Variants in RNLS observed in about 807,000 individuals in gnomAD.
RNLS encodes renalase.
Under a neutral mutation model 39.8 loss-of-function variants are expected in RNLS, and 39 were observed. The observed-to-expected ratio is 0.98, with a 90% CI of 0.76 to 1.28. The LOEUF (loss-of-function observed/expected upper bound fraction) is 1.28. RNLS is among the 50% of genes most tolerant of loss of function. The pLI is 0.00. For missense variants in RNLS, 410 were observed against 413.3 expected (o/e 0.99, Z 0.07); for synonymous variants, 147 against 150.7 (o/e 0.98, Z 0.18).
downstream of RNLS, among the ~76,000 whole-genome samples, chr10:88,269,703 T>G (rs1426401299): frequency 6.6e-6 from 1 of 152,236 alleles, no homozygotes; most frequent in Non-Finnish European, 1.5e-5. Flanking sequence ...TACACTGCTT[T>G]GAGGGGGCCT....
chr10:88,556,012 G>A (rs1328233638), intron 4 of RNLS, among the ~76,000 whole-genome samples: 1 of 151,972 alleles, frequency 6.6e-6, no homozygotes, highest in Non-Finnish European at 1.5e-5. Flanking sequence ...ATATTCAACT[G>A]CATAAGTATT....
intron 4 of RNLS, among the ~76,000 whole-genome samples, chr10:88,365,143 T>C (rs1212789202): frequency 2.0e-5 from 3 of 152,072 alleles, no homozygotes; most frequent in Non-Finnish European, 4.4e-5. Flanking sequence ...CACACCCTTG[T>C]CTATTCCAGG....
intron 4 of RNLS, among the ~76,000 whole-genome samples, chr10:88,419,101 A>T (rs1208874379): frequency 1.3e-5 from 2 of 152,154 alleles, no homozygotes; most frequent in African/African-American, 4.8e-5. Flanking sequence ...TTCCCTTTAA[A>T]TCTGACCTCA....
chr10:88,235,773 A>G, the RNLS span, among the ~76,000 whole-genome samples: 1 of 150,806 alleles, frequency 6.6e-6, no homozygotes, highest in African/African-American at 2.4e-5. Flanking sequence ...TTTATTTTTC[A>G]TATATATATA....
At chr10:88,548,778 G>A (rs1395467934) in intron 4 of RNLS, among the ~76,000 whole-genome samples, 4 of 150,244 alleles carry the variant, frequency 2.7e-5, no homozygotes, top group African/African-American at 9.8e-5. Flanking sequence ...GTATAATAGA[G>A]TATATTATAG....
intron 5 of RNLS, among the ~76,000 whole-genome samples, chr10:88,333,342 G>A (rs4934393): frequency 2.0e-5 from 3 of 152,074 alleles, no homozygotes; most frequent in African/African-American, 7.2e-5. Context: ...TGTATAAAGT[G>A]AAAAAATAAA....
In RNLS at chr10:88,311,044, T is replaced by C. The variant is rs547714490; in HGVS notation, c.876+3422A>G. Among the ~76,000 whole-genome samples, 7 of 152,216 alleles carry C rather than the reference T, an allele frequency of 4.6e-5. No homozygotes were observed. The East Asian group carries it at 1.4e-3, about 29-fold the overall frequency. The stretch of plus-strand genomic sequence containing the variant: ...TCCTGATTTCCTTGGTATCTGAATG[T>C]ACATTTGGAGATTAAAAAATAAAGT... On this transcript the variant is annotated intron_variant, in intron 6 of 6. Coordinates refer to ENST00000331772, the MANE Select transcript of RNLS (RefSeq NM_001031709.3).
the RNLS span, among the ~76,000 whole-genome samples, chr10:88,202,762 A>G: frequency 1.3e-5 from 2 of 152,150 alleles, no homozygotes; most frequent in Non-Finnish European, 2.9e-5. Flanking sequence ...TTGCCTCTTG[A>G]CGGGGCGCCC....
At chr10:88,423,614 C>T (rs1243914982) in intron 4 of RNLS, among the ~76,000 whole-genome samples, 1 of 152,180 alleles carries the variant, frequency 6.6e-6, no homozygotes, top group Non-Finnish European at 1.5e-5. Flanking sequence ...AGATTTCAAA[C>T]TGAGGCTTTT....
intron 4 of RNLS, among the ~76,000 whole-genome samples, chr10:88,511,186 C>T (rs555420739): frequency 6.6e-6 from 1 of 152,240 alleles, no homozygotes; most frequent in East Asian, 1.9e-4. Context: ...AAGCCTTCTA[C>T]AGCTGCACTG....
chr10:88,369,486 A>G (rs1850372374), intron 4 of RNLS, among the ~76,000 whole-genome samples: 1 of 152,112 alleles, frequency 6.6e-6, no homozygotes, highest in African/African-American at 2.4e-5. Flanking sequence ...GAGCTCCTTT[A>G]CAGCTAAAGT....
At position 88,518,418 on chromosome 10, in the gene RNLS, A is replaced by C. The variant is rs1846526652; in HGVS notation, c.526+54485T>G. 3.9e-5 allele frequency among the ~76,000 whole-genome samples: 6 copies of C among 151,988 alleles called. No homozygotes were observed. The South Asian group carries it at 1.2e-3, about 31-fold the overall frequency. Reference sequence around the variant, plus strand: ...AATATGAAAAAAAGGATTGCTAAAGAAGAAGGCTAAAATACACTGTAAATT... The same window carrying C: ...AATATGAAAAAAAGGATTGCTAAAGCAGAAGGCTAAAATACACTGTAAATT... On this transcript the variant is annotated intron_variant, in intron 4 of 6. Transcript: ENST00000331772.
the RNLS span, among the ~76,000 whole-genome samples, chr10:88,226,738 CTTTTTTTT>C: frequency 1.3e-3 from 88 of 69,474 alleles, no homozygotes; most frequent in South Asian, 6.6e-4. Context: ...TCTCCCTTCA[CTTTTTTTT>C]TTTTTTTTTT....
chr10:88,426,536 A>G (rs1854778280), intron 4 of RNLS, among the ~76,000 whole-genome samples: 1 of 152,074 alleles, frequency 6.6e-6, no homozygotes, highest in Non-Finnish European at 1.5e-5. Flanking sequence ...AAATGTTTTT[A>G]GAAGAGAAAA....
chr10:88,553,623 T>C (rs1228636643), intron 4 of RNLS, among the ~76,000 whole-genome samples: 3 of 152,218 alleles, frequency 2.0e-5, no homozygotes, highest in Non-Finnish European at 4.4e-5. Flanking sequence ...GCAGAGACCC[T>C]ACCATTAAGA....
the RNLS span, among the ~76,000 whole-genome samples, chr10:88,266,168 A>C: frequency 5.9e-5 from 9 of 152,312 alleles, no homozygotes; most frequent in East Asian, 1.5e-3. Context: ...CTAAGCCAGG[A>C]GGTCCTTAGG....
chr10:88,412,458 C>G (rs1853732963), intron 4 of RNLS, among the ~76,000 whole-genome samples: 1 of 151,946 alleles, frequency 6.6e-6, no homozygotes, highest in Non-Finnish European at 1.5e-5. Context: ...CTCTGTGGTT[C>G]CAAACTCAGT....
intron 6 of RNLS, among the ~76,000 whole-genome samples, chr10:88,291,359 A>G (rs1225923267): frequency 6.6e-6 from 1 of 152,180 alleles, no homozygotes; most frequent in Non-Finnish European, 1.5e-5. Flanking sequence ...TTATCTAAGA[A>G]TCCATTTGTT....
intron 4 of RNLS, among the ~76,000 whole-genome samples, chr10:88,366,848 G>A (rs1039721468): frequency 1.3e-5 from 2 of 151,302 alleles, no homozygotes; most frequent in African/African-American, 2.4e-5. Context: ...CCTTGTTCCC[G>A]CTCAAGTTGC....
Sources: allele counts gnomAD v4.1 joint callset (sites outside exome capture counted in the v4.1 genomes callset), GRCh38; gene constraint gnomAD v4.1.1; transcripts MANE v1.5; gene names NCBI Gene and HGNC (gene_info 2026-07-23, HGNC 2026-07-21).